Variants in TENM2 observed in about 807,000 individuals in gnomAD.
The protein encoded by TENM2 is teneurin-2.
A neutral mutation model predicts 245.2 loss-of-function variants in TENM2; 52 were observed. The observed-to-expected ratio is 0.21, with a 90% CI of 0.17 to 0.27. The LOEUF (loss-of-function observed/expected upper bound fraction) is 0.27, where lower values mean the gene tolerates loss of function less well. Ranked by LOEUF, TENM2 falls within the 10% of genes least tolerant of loss-of-function variation. TENM2 has a pLI of 1.00. For missense variants in TENM2, 3,046 were observed against 3,666.8 expected, an observed-to-expected ratio of 0.83 and a Z score of 4.37; for synonymous variants, 1,363 against 1,438.9, an observed-to-expected ratio of 0.95 and a Z score of 1.19.
the TENM2 span, among the ~76,000 whole-genome samples, chr5:167,226,956 G>T: frequency 6.6e-6 from 1 of 151,752 alleles, no homozygotes. Flanking sequence ...ATATATATGT[G>T]TGTATATATA....
chr5:168,076,855 T>A (rs1791519593), intron 7 of TENM2, among the ~76,000 whole-genome samples: 1 of 152,224 alleles, frequency 6.6e-6, no homozygotes, highest in Admixed American at 6.5e-5. Flanking sequence ...TGAGGTTGAC[T>A]GTACCCTGTG....
chr5:167,563,106 T>C (rs1014211324), intron 2 of TENM2, among the ~76,000 whole-genome samples: 1 of 152,108 alleles, frequency 6.6e-6, no homozygotes, highest in Non-Finnish European at 1.5e-5. Context: ...TCAACTCTGA[T>C]ATCAGCATGA....
At chr5:167,130,913 A>G in the TENM2 span, among the ~76,000 whole-genome samples, 1 of 63,940 alleles carries the variant, frequency 1.6e-5, no homozygotes, top group African/African-American at 6.4e-5. Flanking sequence ...TTTTTTTTTT[A>G]AAAAAAAAAA....
At chr5:167,518,550 C>T (rs996368056) in intron 2 of TENM2, among the ~76,000 whole-genome samples, 2 of 152,064 alleles carry the variant, frequency 1.3e-5, no homozygotes, top group Non-Finnish European at 2.9e-5. Flanking sequence ...ACAGGTTAAC[C>T]GATGTTTTAA....
chr5:167,297,134 G>A (rs1011020486), intron 1 of TENM2, among the ~76,000 whole-genome samples: 1 of 152,290 alleles, frequency 6.6e-6, no homozygotes, highest in Non-Finnish European at 1.5e-5. Context: ...TATTTCTTTG[G>A]TAACTGATGA....
chr5:167,158,848 C>CTTCCTTCCTTCT, the TENM2 span, among the ~76,000 whole-genome samples: 21 of 69,192 alleles, frequency 3.0e-4, no homozygotes, highest in African/African-American at 9.9e-4. Flanking sequence ...CATAGCAGCC[C>CTTCCTTCCTTCT]TTCCTTCCTT....
rs149876105 is a variant in TENM2 at position 167,851,756 on chromosome 5, G to C, written c.503-24230G>C. Among the ~76,000 whole-genome samples, 12 of 152,268 alleles carry C rather than the reference G, an allele frequency of 7.9e-5. 1 individual carries two copies. In the East Asian group the frequency reaches 2.3e-3, roughly 29 times the overall value. On this transcript the variant is annotated intron_variant, in intron 2 of 28. Coordinates refer to ENST00000518659, the Ensembl canonical transcript of TENM2. Reference sequence around the variant, plus strand: ...TTCCCGCAGCTCTCTTGTTTGGGAGGAAGATGGGGAGGAAGAAAAGGAAAT... The same window carrying C: ...TTCCCGCAGCTCTCTTGTTTGGGAGCAAGATGGGGAGGAAGAAAAGGAAAT...
At chr5:168,184,660 C>T (rs1760228083) in intron 13 of TENM2, among the ~76,000 whole-genome samples, 1 of 152,174 alleles carries the variant, frequency 6.6e-6, no homozygotes, top group African/African-American at 2.4e-5. Context: ...TTCACACAGC[C>T]TCCTCCAGGC....
At chr5:167,728,105 T>C (rs1436106794) in intron 2 of TENM2, among the ~76,000 whole-genome samples, 4 of 152,082 alleles carry the variant, frequency 2.6e-5, no homozygotes, top group African/African-American at 9.7e-5. Flanking sequence ...CTGGGACCAG[T>C]CTTATGATGG....
At chr5:168,263,270 C>A, downstream of TENM2, 1 of 158,236 alleles carries the variant, frequency 6.3e-6, no homozygotes, top group Non-Finnish European at 1.4e-5. Context: ...CTCACTCATT[C>A]ACATGTGAGC....
At chr5:167,583,805 C>T (rs1180259403) in intron 2 of TENM2, among the ~76,000 whole-genome samples, 3 of 152,210 alleles carry the variant, frequency 2.0e-5, no homozygotes, top group Non-Finnish European at 4.4e-5. Context: ...CTACATTTTC[C>T]ATTCCATCTC....
chr5:167,091,467 G>C, the TENM2 span, among the ~76,000 whole-genome samples: 281 of 152,236 alleles, frequency 1.8e-3, no homozygotes, highest in African/African-American at 6.5e-3. Context: ...GCATTTGTTT[G>C]ATGTCAAATT....
intron 5 of TENM2, among the ~76,000 whole-genome samples, chr5:168,016,670 C>T (rs10076491): frequency 0.069 from 10,464 of 152,168 alleles, 696 homozygotes; most frequent in African/African-American, 0.17. Context: ...TCCCCAAGCA[C>T]CTTCTCAGTG....
chr5:167,498,595 C>G (rs1489024235), intron 2 of TENM2, among the ~76,000 whole-genome samples: 4 of 152,072 alleles, frequency 2.6e-5, no homozygotes, highest in Non-Finnish European at 5.9e-5. Flanking sequence ...GGCACAGATG[C>G]CAGCAGATAC....
intron 2 of TENM2, among the ~76,000 whole-genome samples, chr5:167,658,087 T>A (rs1346960762): frequency 6.6e-6 from 1 of 152,188 alleles, no homozygotes; most frequent in African/African-American, 2.4e-5. Flanking sequence ...AGAACAGAAA[T>A]TTATTTCACT....
At chr5:167,841,434 C>G (rs1769508001) in intron 2 of TENM2, among the ~76,000 whole-genome samples, 1 of 152,140 alleles carries the variant, frequency 6.6e-6, no homozygotes, top group African/African-American at 2.4e-5. Context: ...CACCCTTATG[C>G]CTTTTACCCA....
chr5:167,237,945 G>C, the TENM2 span, among the ~76,000 whole-genome samples: 2 of 147,668 alleles, frequency 1.4e-5, no homozygotes, highest in Non-Finnish European at 3.0e-5. Context: ...AGGAGGTGGA[G>C]GTTGCAGTGA....
the TENM2 span, among the ~76,000 whole-genome samples, chr5:167,010,132 A>G: frequency 6.6e-6 from 1 of 152,206 alleles, no homozygotes; most frequent in Admixed American, 6.5e-5. Flanking sequence ...CTGTAATCCC[A>G]GCACTTTGGG....
chr5:167,033,915 C>G, the TENM2 span, among the ~76,000 whole-genome samples: 4 of 152,176 alleles, frequency 2.6e-5, no homozygotes, highest in African/African-American at 9.7e-5. Flanking sequence ...TATTCAGATT[C>G]TCAAGAAATA....
Sources: gnomAD v4.1 joint callset for allele counts (sites outside exome capture counted in the v4.1 genomes callset) on GRCh38, gnomAD v4.1.1 for gene constraint, MANE v1.5 for transcripts, NCBI Gene and HGNC (gene_info 2026-07-23, HGNC 2026-07-21) for gene names.